ALKBH3: variants seen among roughly 807,000 people sequenced by gnomAD.
ALKBH3 encodes alpha-ketoglutarate-dependent dioxygenase alkB homolog 3.
A neutral mutation model predicts 43.9 loss-of-function variants in ALKBH3; 51 were observed. That is an observed-to-expected ratio of 1.16 (90% CI 0.93 to 1.47). The LOEUF (loss-of-function observed/expected upper bound fraction) is 1.47, where lower values mean the gene tolerates loss of function less well. ALKBH3 is among the 40% of genes most tolerant of loss of function. The pLI, the probability that ALKBH3 is intolerant of heterozygous loss-of-function variation, is 0.00. For missense variants in ALKBH3, 361 were observed against 351.9 expected (o/e 1.03, Z -0.21); for synonymous variants, 102 against 115.2 (o/e 0.89, Z 0.73).
chr11:43,882,926 C>T lies in ALKBH3; in HGVS notation c.80-159C>T. On this transcript the variant is annotated intron_variant, in intron 2 of 9. Coordinates refer to ENST00000302708, the MANE Select transcript of ALKBH3 (RefSeq NM_139178.4). ...TCTTTAATGTTCCTCATATTTAGTC[C>T]ACACCCTCAAACCTTTCAGTATCTT... 3.7e-6 allele frequency: 3 copies of T among 816,074 alleles called. No homozygotes were observed. The South Asian group carries it at 5.6e-5, about 15-fold the overall frequency. The allele number at this position is 816,074 out of a possible 1,614,324, so 50.6% of individuals were successfully genotyped here.
At chr11:43,892,764 T>C (rs1951793120) in intron 7 of ALKBH3, among the ~76,000 whole-genome samples, 1 of 152,262 alleles carries the variant, frequency 6.6e-6, no homozygotes, top group African/African-American at 2.4e-5. Flanking sequence ...TGTTATGTTT[T>C]ATTGAAAGAG....
At chr11:43,902,066 A>G (rs1951867681) in intron 8 of ALKBH3, among the ~76,000 whole-genome samples, 1 of 152,222 alleles carries the variant, frequency 6.6e-6, no homozygotes, top group African/African-American at 2.4e-5. Context: ...CTGTGAAGGA[A>G]AGCCTTAGAA....
intron 7 of ALKBH3, among the ~76,000 whole-genome samples, chr11:43,894,983 T>C (rs1017058282): frequency 1.3e-5 from 2 of 152,204 alleles, no homozygotes; most frequent in African/African-American, 4.8e-5. Context: ...TTGTTGTTTT[T>C]GCTGTTTATT....
chr11:43,900,215 ATTTTTTT>A lies in ALKBH3; in HGVS notation c.460-1281_460-1275del, dbSNP rs34274072. 2.5e-4 allele frequency among the ~76,000 whole-genome samples: 22 copies of A among 87,168 alleles called. No homozygotes were observed. In the East Asian group the frequency reaches 4.0e-3, roughly 16 times the overall value. The allele number at this position is 87,168 out of a possible 152,430, so 57.2% of individuals were successfully genotyped here. On this transcript the variant is annotated intron_variant, in intron 7 of 9. Transcript: ENST00000302708. ...ATTGCATTTTTTTTATTTTAATTTA[ATTTTTTT>A]TTTTTTTTTTTTTTTTTTTGCGACA...
At chr11:43,903,998 A>T (rs1382325488) in intron 8 of ALKBH3, among the ~76,000 whole-genome samples, 5 of 152,230 alleles carry the variant, frequency 3.3e-5, no homozygotes, top group Admixed American at 2.6e-4. Context: ...ATAGGGTAAC[A>T]TGTAGATGGA....
chr11:43,905,427 G>A (rs1016006191), intron 8 of ALKBH3, among the ~76,000 whole-genome samples: 5 of 151,210 alleles, frequency 3.3e-5, no homozygotes, highest in South Asian at 2.1e-4. Context: ...CCAAGGTGCC[G>A]GTTTTTTGTT....
rs1365819301 is a variant in ALKBH3, at chr11:43,893,358, G to T, written c.459+1229G>T. On this transcript the variant is annotated intron_variant, in intron 7 of 9. Coordinates refer to ENST00000302708, the MANE Select transcript of ALKBH3 (RefSeq NM_139178.4). ...AACTCAAGACATTGTTAAACATCTG[G>T]GGGGGCAAAATTGCCCCTGGTTAAG... is the stretch of plus-strand genomic sequence containing the variant. Among the ~76,000 whole-genome samples, 7 of 152,130 alleles carry T rather than the reference G, an allele frequency of 4.6e-5. No homozygotes were observed. In the East Asian group the frequency reaches 9.6e-4, roughly 21 times the overall value.
chr11:43,897,283 G>A lies in ALKBH3; in HGVS notation c.460-4233G>A, dbSNP rs759071688. On this transcript the variant is annotated intron_variant, in intron 7 of 9. Coordinates refer to ENST00000302708, the MANE Select transcript of ALKBH3 (RefSeq NM_139178.4). ...AGAGCTGCTGGTATGAGCGCCCGTC[G>A]CCACCCCACATCCCAGGCCCAGCCA... is the stretch of plus-strand genomic sequence containing the variant. 11 of 586,572 alleles carry A rather than the reference G, an allele frequency of 1.9e-5. No individual in the cohort carries two copies. The East Asian group carries it at 3.8e-4, about 20-fold the overall frequency. The allele number at this position is 586,572 out of a possible 1,614,324, so 36.3% of individuals were successfully genotyped here. A position where few individuals can be genotyped will look rare whatever the true frequency, so the allele number is the denominator to read the frequency against.
intron 8 of ALKBH3, among the ~76,000 whole-genome samples, chr11:43,912,055 A>G (rs1321816505): frequency 6.6e-6 from 1 of 152,118 alleles, no homozygotes; most frequent in African/African-American, 2.4e-5. Context: ...CCTGGGAGGC[A>G]GAGGTTGCAG....
At chr11:43,906,569 C>T (rs1196227359) in intron 8 of ALKBH3, among the ~76,000 whole-genome samples, 1 of 152,114 alleles carries the variant, frequency 6.6e-6, no homozygotes, top group Non-Finnish European at 1.5e-5. Flanking sequence ...ATACTTGAGG[C>T]TGGGCATGGT....
At chr11:43,913,725 C>CT (rs1341657959) in intron 8 of ALKBH3, among the ~76,000 whole-genome samples, 3 of 152,230 alleles carry the variant, frequency 2.0e-5, no homozygotes, top group Non-Finnish European at 4.4e-5. Context: ...GTCTTAGACG[C>CT]TTACAAGTCT....
intron 8 of ALKBH3, among the ~76,000 whole-genome samples, chr11:43,915,521 T>C (rs1590382641): frequency 6.6e-6 from 1 of 152,198 alleles, no homozygotes; most frequent in Non-Finnish European, 1.5e-5. Context: ...CAGCTTTTTA[T>C]TTATTTTCCC....
chr11:43,882,854 G>C, intron 2 of ALKBH3, 123 bp downstream of exon 2: 2 of 1,176,628 alleles, frequency 1.7e-6, no homozygotes, highest in Non-Finnish European at 2.4e-6. Flanking sequence ...TGTTTAAAAT[G>C]TGGCTGATAT....
chr11:43,880,940 T>TA lies in ALKBH3; in HGVS notation c.-310_-309insA. 6.6e-6 allele frequency: 1 copy of TA among 152,622 alleles called. No homozygotes were observed. The highest frequency in any genetic ancestry group is 1.5e-5 in the Non-Finnish European group (1 of 68,252). 9.5% of individuals were successfully genotyped at this position (152,622 alleles called of 1,614,324 possible). The stretch of plus-strand genomic sequence containing the variant: ...GCCCGGCTCCGCCCGCAAGTGCGCC[T>TA]TCCTGACTTACTGCTGGGTGCGCGG... On this transcript the variant is annotated 5_prime_UTR_variant, in exon 1 of 10. Transcript: ENST00000302708.
Position 43,901,612 on chromosome 11 carries a change from G to T in ALKBH3, c.556G>T (p.Asp186Tyr). The change falls in exon 8 of 10, where the codon GAC becomes TAC. Residue 186 changes from aspartate (D) to tyrosine (Y), a missense_variant. Physicochemically the swap from Asp to Tyr is radical, Grantham distance 160. Coordinates refer to ENST00000302708, the MANE Select transcript of ALKBH3 (RefSeq NM_139178.4). ...CTGCAATCTTTATCGCAATGAGAAG[G>T]ACAGCGTGGACTGGCACAGTGATGA... Reference protein sequence around the residue: ...LLCNLYRNEKDSVDWHSDDEP... With the variant: ...LLCNLYRNEKYSVDWHSDDEP... 1 of 1,614,114 alleles carries T rather than the reference G, an allele frequency of 6.2e-7. No individual in the cohort carries two copies. The highest frequency in any genetic ancestry group is 2.2e-5 in the East Asian group (1 of 44,892).
chr11:43,885,997 G>T (rs1951744080), intron 4 of ALKBH3, among the ~76,000 whole-genome samples: 1 of 152,144 alleles, frequency 6.6e-6, no homozygotes, highest in Admixed American at 6.5e-5. Flanking sequence ...CGGGTGATGG[G>T]GTGGCATTTC....
rs1565126897 is a variant in ALKBH3, at chr11:43,901,706, T to C, written c.650T>C (p.Met217Thr). 1 of 1,614,210 alleles carries C rather than the reference T, an allele frequency of 6.2e-7. No homozygotes were observed. Among genetic ancestry groups the C allele is most frequent in the East Asian group, 2.2e-5 (1 of 44,894 alleles). The part of the protein sequence containing the change: ...LSFGATRTFE[M>T]RKKPPPEENG... ...TTTGGTGCCACACGCACATTTGAGA[T>C]GAGAAAGAAGCCACCACCAGTGAGT... The change falls in exon 8 of 10, where the codon ATG becomes ACG. Residue 217 changes from methionine (M) to threonine (T), a missense_variant. Transcript: ENST00000302708.
At chr11:43,896,829 A>T (rs1951822414) in intron 7 of ALKBH3, among the ~76,000 whole-genome samples, 1 of 152,230 alleles carries the variant, frequency 6.6e-6, no homozygotes, top group African/African-American at 2.4e-5. Context: ...TAACTTAGTG[A>T]ACTAATATTT....
chr11:43,896,105 T>A (rs576427343), intron 7 of ALKBH3, among the ~76,000 whole-genome samples: 14 of 152,292 alleles, frequency 9.2e-5, no homozygotes, highest in Non-Finnish European at 1.9e-4. Flanking sequence ...TGGCAGACAT[T>A]TCCTCATAAA....
Sources: allele counts gnomAD v4.1 joint callset (sites outside exome capture counted in the v4.1 genomes callset), GRCh38; gene constraint gnomAD v4.1.1; transcripts MANE v1.5; gene names NCBI Gene and HGNC (gene_info 2026-07-23, HGNC 2026-07-21).